The following TRPM8 variants were observed in gnomAD, a reference collection of about 807,000 sequenced individuals.
The protein encoded by TRPM8 is transient receptor potential cation channel subfamily M member 8, also known as TRPM8 cationic channel.
TRPM8 carries 110 observed loss-of-function variants against 133.7 expected under a neutral mutation model. The ratio of observed to expected loss-of-function variants is 0.82; its 90% CI spans 0.70 to 0.96. The LOEUF is 0.96. Among genes scored for constraint, TRPM8 ranks in the 40% least tolerant of loss-of-function variants. TRPM8 has a pLI of 0.00. For synonymous variants in TRPM8, 535 were observed against 532.3 expected, an observed-to-expected ratio of 1.01 and a Z score of -0.07; for missense variants, 1,291 against 1,379.5, an observed-to-expected ratio of 0.94 and a Z score of 1.02.
intron 21 of TRPM8, among the ~76,000 whole-genome samples, chr2:233,987,258 G>A (rs28901877): frequency 6.6e-6 from 1 of 152,150 alleles, no homozygotes; most frequent in Admixed American, 6.5e-5. Context: ...TGAAAGAATG[G>A]TATTTTTTAA....
chr2:233,933,271 C>T (rs147983176), intron 3 of TRPM8, among the ~76,000 whole-genome samples: 8 of 152,300 alleles, frequency 5.3e-5, no homozygotes, highest in Middle Eastern at 3.4e-3. Context: ...CCATCCAATA[C>T]GGTAGCCACT....
intron 17 of TRPM8, among the ~76,000 whole-genome samples, chr2:233,975,836 T>C (rs570480647): frequency 6.6e-6 from 1 of 152,222 alleles, no homozygotes; most frequent in African/African-American, 2.4e-5. Flanking sequence ...GAGCTGAGAT[T>C]GCACCACTGC....
chr2:233,979,952 T>C (rs1422806195), intron 17 of TRPM8, among the ~76,000 whole-genome samples: 1 of 152,190 alleles, frequency 6.6e-6, no homozygotes, highest in Non-Finnish European at 1.5e-5. Context: ...ATCCATCCTT[T>C]TTCCTGACTT....
chr2:233,977,787 G>A (rs144152611), intron 17 of TRPM8, among the ~76,000 whole-genome samples: 38 of 152,290 alleles, frequency 2.5e-4, no homozygotes, highest in African/African-American at 7.9e-4. Flanking sequence ...TGATAATAAT[G>A]GTTATTGGCA....
At chr2:233,942,784 A>G (rs199985941) in intron 6 of TRPM8, 36 bp downstream of exon 6, 52 of 1,612,392 alleles carry the variant, frequency 3.2e-5, no homozygotes, top group Non-Finnish European at 4.3e-5. Flanking sequence ...GCTAGGTCAC[A>G]TGGAAGAAAG....
At chr2:233,994,795 T>G (rs1298029755) in intron 21 of TRPM8, among the ~76,000 whole-genome samples, 1 of 152,232 alleles carries the variant, frequency 6.6e-6, no homozygotes, top group Admixed American at 6.5e-5. Flanking sequence ...TTATTGAGGA[T>G]GTTCCCCAGA....
chr2:233,965,724 G>A (rs2125199504), intron 14 of TRPM8, among the ~76,000 whole-genome samples: 1 of 152,124 alleles, frequency 6.6e-6, no homozygotes, highest in East Asian at 1.9e-4. Context: ...GTTTATTTCT[G>A]GATAATTAGG....
At chr2:233,983,483 T>G in intron 20 of TRPM8, 1 of 457,298 alleles carries the variant, frequency 2.2e-6, no homozygotes, top group South Asian at 2.1e-5. Context: ...CAATTAACAA[T>G]GTGGCAATTG....
At chr2:233,990,541 C>T (rs1449705048) in intron 21 of TRPM8, among the ~76,000 whole-genome samples, 4 of 152,002 alleles carry the variant, frequency 2.6e-5, no homozygotes, top group Non-Finnish European at 4.4e-5. Flanking sequence ...ACATCCATCG[C>T]ATGTCTTATA....
rs116299356 is a variant in TRPM8 at position 234,004,503 on chromosome 2, A to C, written c.3131-2350A>C. 1.8e-3 allele frequency among the ~76,000 whole-genome samples: 272 copies of C among 152,332 alleles called. 1 individual carries two copies. Among genetic ancestry groups the C allele is most frequent in the African/African-American group, 5.8e-3 (241 of 41,570 alleles). On this transcript the variant is annotated intron_variant, in intron 22 of 25. Transcript: ENST00000324695. ...TTTGCCTCCAAATGGTGGTGACGTC[A>C]TGGGTTTAATTCTGAAATTGTTCTT...
intron 25 of TRPM8, among the ~76,000 whole-genome samples, chr2:234,017,082 G>A (rs1272468657): frequency 1.3e-5 from 2 of 150,380 alleles, no homozygotes; most frequent in Non-Finnish European, 3.0e-5. Context: ...CCTTAGTCAC[G>A]CAGCTCACAC....
chr2:234,000,221 C>G (rs1216174305), intron 22 of TRPM8, among the ~76,000 whole-genome samples: 5 of 151,992 alleles, frequency 3.3e-5, no homozygotes, highest in African/African-American at 1.2e-4. Flanking sequence ...AGTGATTCTC[C>G]TGCCTCAGCC....
At chr2:234,006,004 C>T (rs1411442332) in intron 22 of TRPM8, among the ~76,000 whole-genome samples, 1 of 151,590 alleles carries the variant, frequency 6.6e-6, no homozygotes, top group African/African-American at 2.4e-5. Flanking sequence ...CATATTGGTT[C>T]TGTCTTTGAC....
chr2:233,943,067 C>CTTTG, intron 6 of TRPM8: 5 of 177,740 alleles, frequency 2.8e-5, no homozygotes, highest in African/African-American at 1.0e-4. Flanking sequence ...ACTGCAGTAT[C>CTTTG]TTTTTTTTTT....
At chr2:234,010,636 C>T (rs1263861565) in intron 24 of TRPM8, among the ~76,000 whole-genome samples, 3 of 152,178 alleles carry the variant, frequency 2.0e-5, no homozygotes, top group African/African-American at 7.2e-5. Context: ...CACCTCCTTG[C>T]CAACACTTAT....
rs1200210298 is a variant in TRPM8 at position 233,945,916 on chromosome 2, GACA to G, written c.766_768del (p.Asn256del). The G allele has an allele frequency of 2.5e-6, 4 of 1,614,056 alleles. No homozygotes were observed. The South Asian group carries it at 3.3e-5, about 13-fold the overall frequency. ...CACAAGAGATCCACTGTATATCCTG[GACA>G]ACAACCACACACATTTGCTGCTCGT... On this transcript the variant is annotated inframe_deletion, in exon 7 of 26. Coordinates refer to ENST00000324695, the MANE Select transcript of TRPM8 (RefSeq NM_024080.5).
At chr2:234,011,088 G>A (rs187868851) in intron 24 of TRPM8, among the ~76,000 whole-genome samples, 11 of 152,254 alleles carry the variant, frequency 7.2e-5, no homozygotes, top group Admixed American at 6.5e-4. Context: ...GCTTTCTTCT[G>A]GGAGTTTTAC....
At chr2:233,965,065 G>A (rs1691534260) in intron 14 of TRPM8, among the ~76,000 whole-genome samples, 1 of 108,214 alleles carries the variant, frequency 9.2e-6, no homozygotes, top group Admixed American at 9.6e-5. Context: ...GGGGGGGGGG[G>A]TGTTTCTGGA....
At chr2:233,955,318 C>T (rs1057311810) in intron 11 of TRPM8, 68 bp downstream of exon 11, 4 of 1,151,888 alleles carry the variant, frequency 3.5e-6, no homozygotes, top group Non-Finnish European at 5.2e-6. Flanking sequence ...AATGTCTGAT[C>T]CATTTCCAAC....
Sources: allele counts gnomAD v4.1 joint callset (sites outside exome capture counted in the v4.1 genomes callset), GRCh38; gene constraint gnomAD v4.1.1; transcripts MANE v1.5; gene names NCBI Gene and HGNC (gene_info 2026-07-23, HGNC 2026-07-21).